The following INPP5B variants were observed in gnomAD, a reference collection of about 807,000 sequenced individuals.
INPP5B encodes inositol polyphosphate-5-phosphatase B, also known as type II inositol 1,4,5-trisphosphate 5-phosphatase.
In INPP5B, 90 loss-of-function variants were observed where a neutral mutation model predicts 118.5. The ratio of observed to expected loss-of-function variants is 0.76; its 90% CI spans 0.64 to 0.90. The LOEUF (loss-of-function observed/expected upper bound fraction) is 0.90. Ranked by LOEUF, INPP5B falls within the 40% of genes least tolerant of loss-of-function variation. The pLI is 0.00. For missense variants in INPP5B, 984 were observed against 1,125.6 expected (o/e 0.87, Z 1.80); for synonymous variants, 385 against 418.9 (o/e 0.92, Z 0.99).
intron 7 of INPP5B, among the ~76,000 whole-genome samples, chr1:37,896,405 T>C (rs1239585779): frequency 2.1e-5 from 3 of 140,770 alleles, no homozygotes; most frequent in African/African-American, 5.4e-5. Flanking sequence ...GGCAGCCACC[T>C]CGTCCGGGAG....
chr1:37,937,135 A>AC (rs1645728173), intron 6 of INPP5B, among the ~76,000 whole-genome samples: 1 of 151,528 alleles, frequency 6.6e-6, no homozygotes, highest in South Asian at 2.1e-4. Context: ...ACATGGTGAA[A>AC]CCCCGTCTTT....
At chr1:37,868,713 C>G in intron 19 of INPP5B, 99 bp from the exon 20 acceptor site, 1 of 750,980 alleles carries the variant, frequency 1.3e-6, no homozygotes, top group Non-Finnish European at 2.4e-6. Flanking sequence ...GGAAAACATT[C>G]CACTGCCCCT....
rs758862595 is a variant in INPP5B at position 37,885,719 on chromosome 1, T to C, written c.1238A>G (p.Gln413Arg). ...TCGAGAACAAATGTCCTTATAGTCC[T>C]GGTTCCTCCTCTCATACTCTTCAAT... The part of the protein sequence containing the change: ...AHIEEYERRN[Q>R]DYKDICSRMQ... Residue 413 changes from glutamine (Q) to arginine (R), a missense_variant, in exon 13 of 24, where the codon CAG (glutamine) becomes CGG (arginine). Transcript: ENST00000373024. The C allele has an allele frequency of 2.5e-6, 4 of 1,614,078 alleles. No individual in the cohort carries two copies. Among genetic ancestry groups the C allele is most frequent in the Non-Finnish European group, 3.4e-6 (4 of 1,180,034 alleles).
chr1:37,898,180 A>G (rs945535765), intron 7 of INPP5B, among the ~76,000 whole-genome samples: 2 of 152,232 alleles, frequency 1.3e-5, no homozygotes, highest in African/African-American at 4.8e-5. Flanking sequence ...TGAAAAGGCT[A>G]TTTATTATAT....
At position 37,861,777 on chromosome 1, in the gene INPP5B, T is replaced by A. The variant is rs189891989; in HGVS notation, c.*538A>T. On this transcript the variant is annotated 3_prime_UTR_variant, in exon 24 of 24. Coordinates refer to ENST00000373024, the MANE Select transcript of INPP5B (RefSeq NM_005540.3). ...AAGGCCGGGCGTGGTGGCTCACATCTGTAATCCTAGCACTTGGGGAGGCCG... is the reference window on the plus strand; with the variant it reads ...AAGGCCGGGCGTGGTGGCTCACATCAGTAATCCTAGCACTTGGGGAGGCCG... 9.7e-4 allele frequency: 145 copies of A among 150,170 alleles called. No homozygotes were observed. Among genetic ancestry groups the A allele is most frequent in the Admixed American group, 2.3e-3 (35 of 14,944 alleles). 9.3% of individuals were successfully genotyped at this position (150,170 alleles called of 1,614,324 possible).
At chr1:37,911,256 G>A (rs1026447721) in intron 7 of INPP5B, among the ~76,000 whole-genome samples, 5 of 152,040 alleles carry the variant, frequency 3.3e-5, no homozygotes, top group East Asian at 1.9e-4. Context: ...CACACTTGAC[G>A]CATATACTTT....
chr1:37,927,539 CTTT>C (rs755352733), intron 7 of INPP5B, among the ~76,000 whole-genome samples: 7 of 142,452 alleles, frequency 4.9e-5, no homozygotes, highest in Admixed American at 7.1e-5. Context: ...CTTTTTCTTT[CTTT>C]TTTTTTTTTT....
intron 11 of INPP5B, 118 bp from the exon 12 acceptor site, chr1:37,887,122 C>T (rs941464669): frequency 4.8e-6 from 4 of 826,676 alleles, no homozygotes; most frequent in Non-Finnish European, 6.0e-6. Flanking sequence ...CACACTAGAA[C>T]ACAGGTAATC....
At chr1:37,941,421 G>T (rs1257787156) in intron 5 of INPP5B, among the ~76,000 whole-genome samples, 1 of 152,004 alleles carries the variant, frequency 6.6e-6, no homozygotes, top group African/African-American at 2.4e-5. Context: ...GCCAGGGCAG[G>T]AGGATTACTT....
At chr1:37,896,487 C>A (rs1407423227) in intron 7 of INPP5B, among the ~76,000 whole-genome samples, 2 of 148,550 alleles carry the variant, frequency 1.3e-5, no homozygotes, top group Non-Finnish European at 3.0e-5. Context: ...ATCAGCCCCC[C>A]GCCCGGCCAG....
chr1:37,861,009 TG>T lies in INPP5B; in HGVS notation c.*1305del, dbSNP rs1449357164. On this transcript the variant is annotated 3_prime_UTR_variant, in exon 24 of 24. Coordinates refer to ENST00000373024, the MANE Select transcript of INPP5B (RefSeq NM_005540.3). ...CCAGCTAATTTTTTAAAAATGTTTT[TG>T]TAGAGAGGGGGTCTCCCTGTGTTGC... is the stretch of plus-strand genomic sequence containing the variant. The T allele has an allele frequency of 6.6e-6, 1 of 152,210 alleles. No homozygotes were observed. The highest frequency in any genetic ancestry group is 1.5e-5 in the Non-Finnish European group (1 of 68,066). 9.4% of individuals were successfully genotyped at this position (152,210 alleles called of 1,614,324 possible). A position where few individuals can be genotyped will look rare whatever the true frequency, so the allele number is the denominator to read the frequency against.
At chr1:37,865,691 G>T in intron 22 of INPP5B, 70 bp downstream of exon 22, 1 of 1,555,840 alleles carries the variant, frequency 6.4e-7, no homozygotes, top group Non-Finnish European at 8.8e-7. Context: ...TTGAGGAACT[G>T]TGTCCACTCT....
At chr1:37,897,161 C>T (rs1197419951) in intron 7 of INPP5B, among the ~76,000 whole-genome samples, 3 of 151,580 alleles carry the variant, frequency 2.0e-5, no homozygotes, top group South Asian at 2.1e-4. Flanking sequence ...AGGTGAGGGG[C>T]GCCTCTGCCT....
chr1:37,945,933 G>A, intron 2 of INPP5B, 83 bp from the exon 3 acceptor site: 1 of 1,275,276 alleles, frequency 7.8e-7, no homozygotes, highest in African/African-American at 1.5e-5. Flanking sequence ...CTGTTCCCCT[G>A]CCCCCCCAGA....
chr1:37,895,970 G>A (rs1463749255), intron 7 of INPP5B, among the ~76,000 whole-genome samples: 28 of 152,032 alleles, frequency 1.8e-4, no homozygotes, highest in African/African-American at 5.5e-4. Flanking sequence ...CCGCCTGGCC[G>A]CCCATCGTCT....
Position 37,882,860 on chromosome 1 carries a change from C to T in INPP5B, c.1378G>A (p.Val460Met). 1.2e-6 allele frequency: 2 copies of T among 1,614,106 alleles called. No homozygotes were observed. Among genetic ancestry groups the T allele is most frequent in the African/African-American group, 2.7e-5 (2 of 75,044 alleles). Residue 460 changes from valine (V) to methionine (M), a missense_variant, in exon 14 of 24, where the codon GTG becomes ATG. Transcript: ENST00000373024. The part of the protein sequence containing the change: ...YRIEELDVEK[V>M]KKLIEEKDFQ... ...TCCTTCTCTTCGATGAGCTTTTTCACTTTTTCCACATCCAGCTCTTCTATC... is the reference window on the plus strand; with the variant it reads ...TCCTTCTCTTCGATGAGCTTTTTCATTTTTTCCACATCCAGCTCTTCTATC...
At chr1:37,936,486 TG>T (rs1645696470) in intron 6 of INPP5B, among the ~76,000 whole-genome samples, 3 of 152,074 alleles carry the variant, frequency 2.0e-5, no homozygotes, top group African/African-American at 7.2e-5. Flanking sequence ...CCAGGCATGT[TG>T]GCAGGCACCT....
intron 7 of INPP5B, among the ~76,000 whole-genome samples, chr1:37,915,879 A>G (rs1644844391): frequency 6.6e-6 from 1 of 152,224 alleles, no homozygotes; most frequent in Non-Finnish European, 1.5e-5. Context: ...CTGCTTCCTC[A>G]TGTGAATAAG....
chr1:37,873,323 G>C, intron 18 of INPP5B, 158 bp from the exon 19 acceptor site: 1 of 612,490 alleles, frequency 1.6e-6, no homozygotes, highest in Non-Finnish European at 2.9e-6. Flanking sequence ...GCATGCAGGA[G>C]ACACAAGAAC....
Sources: gnomAD v4.1 joint callset for allele counts (sites outside exome capture counted in the v4.1 genomes callset) on GRCh38, gnomAD v4.1.1 for gene constraint, MANE v1.5 for transcripts, NCBI Gene and HGNC (gene_info 2026-07-23, HGNC 2026-07-21) for gene names.